CA6: variants seen among roughly 807,000 people sequenced by gnomAD.
CA6 encodes carbonate dehydratase VI.
Under a neutral mutation model 35.9 loss-of-function variants are expected in CA6, and 28 were observed. The observed-to-expected ratio is 0.78, with a 90% CI of 0.58 to 1.07. The LOEUF (loss-of-function observed/expected upper bound fraction) is 1.07, where lower values mean the gene tolerates loss of function less well. CA6 is among the 50% of genes least tolerant of loss of function. The probability of loss-of-function intolerance (pLI) is 0.00; values close to 1 mark genes in which losing one functional copy is unlikely to be tolerated. For missense variants in CA6, 377 were observed against 382.0 expected, an observed-to-expected ratio of 0.99 and a Z score of 0.11; for synonymous variants, 148 against 152.6, an observed-to-expected ratio of 0.97 and a Z score of 0.22.
At chr1:8,948,351 T>A (rs1051644599) in intron 1 of CA6, among the ~76,000 whole-genome samples, 1 of 152,120 alleles carries the variant, frequency 6.6e-6, no homozygotes, top group African/African-American at 2.4e-5. Context: ...TTTCTCCTTA[T>A]GAATTTTAAA....
chr1:8,962,827 T>C (rs1000708157), intron 5 of CA6, among the ~76,000 whole-genome samples, 171 bp downstream of exon 5: 6 of 152,230 alleles, frequency 3.9e-5, no homozygotes, highest in African/African-American at 2.4e-5. Context: ...TGATTTCTGC[T>C]GTTGGCTTAG....
At chr1:8,968,178 C>A (rs1305264355) in intron 6 of CA6, among the ~76,000 whole-genome samples, 1 of 151,970 alleles carries the variant, frequency 6.6e-6, no homozygotes. Context: ...GTTGCCCAGG[C>A]AGGTCTCAAA....
intron 2 of CA6, chr1:8,951,320 T>G: frequency 1.6e-6 from 1 of 620,718 alleles, no homozygotes; most frequent in Non-Finnish European, 2.9e-6. Context: ...GGACTCAGGT[T>G]TATGTGGCCA....
At chr1:8,974,069 C>T (rs1285665468) in intron 7 of CA6, among the ~76,000 whole-genome samples, 1 of 152,128 alleles carries the variant, frequency 6.6e-6, no homozygotes. Context: ...AAGCAATCCA[C>T]CCACTTCAGC....
In CA6 at chr1:8,970,569, C is replaced by T. The variant is rs112995034; in HGVS notation, c.730-298C>T. 1.3e-4 allele frequency among the ~76,000 whole-genome samples: 20 copies of T among 151,882 alleles called. 1 individual carries two copies. In the South Asian group the frequency reaches 2.1e-3, roughly 16 times the overall value. ...TGTCTCCCAGGCTGGAGTGCGGTTG[C>T]GTGATACTGGCTTACTGCAGCCTCT... is the stretch of plus-strand genomic sequence containing the variant. On this transcript the variant is annotated intron_variant, in intron 6 of 7. Coordinates refer to ENST00000377443, the MANE Select transcript of CA6 (RefSeq NM_001215.4).
Position 8,960,599 on chromosome 1 carries a change from A to C in CA6, c.501+1597A>C, listed in dbSNP as rs1284341242. Reference sequence around the variant, plus strand: ...AAAAAGAATCACTAGATGGGCCCAAAGCAGATCTGAGGCAGCAGAAGAAAA... The same window carrying C: ...AAAAAGAATCACTAGATGGGCCCAACGCAGATCTGAGGCAGCAGAAGAAAA... On this transcript the variant is annotated intron_variant, in intron 4 of 7. Coordinates refer to ENST00000377443, the MANE Select transcript of CA6 (RefSeq NM_001215.4). Among the ~76,000 whole-genome samples the C allele has an allele frequency of 2.6e-5, 4 of 152,070 alleles. No homozygotes were observed. In the South Asian group the frequency reaches 8.3e-4, roughly 32 times the overall value.
chr1:8,947,749 A>G (rs1024537122), intron 1 of CA6, among the ~76,000 whole-genome samples: 1 of 152,116 alleles, frequency 6.6e-6, no homozygotes, highest in African/African-American at 2.4e-5. Flanking sequence ...CAGTATTGAC[A>G]GTGCCCTGGG....
chr1:8,964,576 G>C (rs1639924268), intron 5 of CA6, among the ~76,000 whole-genome samples: 1 of 152,050 alleles, frequency 6.6e-6, no homozygotes, highest in Non-Finnish European at 1.5e-5. Flanking sequence ...CTTTATTAAA[G>C]CCTCCTGCTC....
intron 6 of CA6, 71 bp from the exon 7 acceptor site, chr1:8,970,796 G>A (rs769421005): frequency 4.7e-5 from 47 of 994,776 alleles, no homozygotes; most frequent in African/African-American, 1.3e-4. Context: ...CCACTGCGCC[G>A]GGCCAACTGT....
intron 2 of CA6, among the ~76,000 whole-genome samples, chr1:8,955,565 C>A (rs1639652183): frequency 7.1e-6 from 1 of 140,690 alleles, no homozygotes; most frequent in Non-Finnish European, 1.6e-5. Context: ...GGGAGCTCTG[C>A]TCGGGTCCTC....
At chr1:8,959,354 AC>A (rs1639773340) in intron 4 of CA6, among the ~76,000 whole-genome samples, 1 of 146,432 alleles carries the variant, frequency 6.8e-6, no homozygotes, top group South Asian at 2.1e-4. Flanking sequence ...CACTCTTGTC[AC>A]CCAGGTTGGA....
intron 1 of CA6, among the ~76,000 whole-genome samples, chr1:8,946,272 A>T (rs981043547): frequency 6.6e-6 from 1 of 152,004 alleles, no homozygotes; most frequent in Non-Finnish European, 1.5e-5. Context: ...TCCTGACCTT[A>T]GGTGATCTGC....
At chr1:8,955,297 G>A (rs933827720) in intron 2 of CA6, among the ~76,000 whole-genome samples, 1 of 152,150 alleles carries the variant, frequency 6.6e-6, no homozygotes, top group African/African-American at 2.4e-5. Context: ...GATTGTTTGA[G>A]CCTGGGAGGT....
At chr1:8,961,602 G>A (rs1191790016) in intron 4 of CA6, among the ~76,000 whole-genome samples, 1 of 152,082 alleles carries the variant, frequency 6.6e-6, no homozygotes, top group Admixed American at 6.6e-5. Context: ...ACAAAAGAAG[G>A]CAGTAAAGGT....
chr1:8,970,796 G>C (rs769421005), intron 6 of CA6, 71 bp from the exon 7 acceptor site: 3 of 994,892 alleles, frequency 3.0e-6, no homozygotes, highest in Non-Finnish European at 4.9e-6. Flanking sequence ...CCACTGCGCC[G>C]GGCCAACTGT....
At chr1:8,957,307 G>C (rs1421296762) in intron 3 of CA6, 22 bp downstream of exon 3, 1 of 1,593,556 alleles carries the variant, frequency 6.3e-7, no homozygotes, top group Non-Finnish European at 8.6e-7. Flanking sequence ...CCCCCACTGT[G>C]TCCTCTTTCC....
At chr1:8,969,533 G>C (rs1353334529) in intron 6 of CA6, among the ~76,000 whole-genome samples, 2 of 152,010 alleles carry the variant, frequency 1.3e-5, no homozygotes, top group Non-Finnish European at 2.9e-5. Flanking sequence ...GCAGAGTAGG[G>C]AAGAGGCATG....
intron 5 of CA6, among the ~76,000 whole-genome samples, chr1:8,966,899 G>T (rs72862219): frequency 6.6e-6 from 1 of 152,034 alleles, no homozygotes; most frequent in Non-Finnish European, 1.5e-5. Context: ...GGTTTCCAGC[G>T]GTTGTGGCAG....
rs1167077087 is a variant in CA6, at chr1:8,963,574, G to A, written c.571+918G>A. On this transcript the variant is annotated intron_variant, in intron 5 of 7. Transcript: ENST00000377443. This position sits in a 1 kb window ranked among gnomAD's most constrained non-coding sequence, Gnocchi z 4.1. ...TTATTATTTTTGAGACATGGTCTTG[G>A]TCTGTTGCATAGGCTGGGGTGCAAT... Among the ~76,000 whole-genome samples the A allele has an allele frequency of 1.3e-5, 2 of 152,090 alleles. No individual in the cohort carries two copies. Among genetic ancestry groups the A allele is most frequent in the Admixed American group, 6.6e-5 (1 of 15,250 alleles).
Sources: allele counts gnomAD v4.1 joint callset (sites outside exome capture counted in the v4.1 genomes callset), GRCh38; gene constraint gnomAD v4.1.1; non-coding constraint Gnocchi (gnomAD v3.1); transcripts MANE v1.5; gene names NCBI Gene and HGNC (gene_info 2026-07-23, HGNC 2026-07-21).